PLEKHH1: variants seen among roughly 807,000 people sequenced by gnomAD.
PLEKHH1 encodes the protein pleckstrin homology, MyTH4 and FERM domain containing H1.
Under a neutral mutation model 160.0 loss-of-function variants are expected in PLEKHH1, and 104 were observed. The observed-to-expected ratio is 0.65, with a 90% CI of 0.55 to 0.76. PLEKHH1 has a LOEUF of 0.76. Among genes scored for constraint, PLEKHH1 ranks in the 30% least tolerant of loss-of-function variants. PLEKHH1 has a pLI of 0.00. For synonymous variants in PLEKHH1, 619 were observed against 678.4 expected (o/e 0.91, Z 1.36); for missense variants, 1,427 against 1,724.1 (o/e 0.83, Z 3.05).
At position 67,575,859 on chromosome 14, in the gene PLEKHH1, A is replaced by G; in HGVS notation, c.2206A>G (p.Ile736Val). The G allele has an allele frequency of 1.9e-6, 3 of 1,613,942 alleles. No homozygotes were observed. The highest frequency in any genetic ancestry group is 2.5e-6 in the Non-Finnish European group (3 of 1,179,848). The change falls in exon 16 of 29, where the codon ATA becomes GTA. Residue 736 changes from isoleucine to valine, a missense_variant. Around this residue, in one of 6 missense-constraint regions of PLEKHH1, gnomAD observed 831 missense variants for 929.2 expected, o/e 0.89. Coordinates refer to ENST00000329153, the MANE Select transcript of PLEKHH1 (RefSeq NM_020715.3). Reference sequence around the variant, plus strand: ...CTGCCTGCCTGTGCGGGATGCGCACATAGAGGAAGTAGATCGATCCTGTGA... The same window carrying G: ...CTGCCTGCCTGTGCGGGATGCGCACGTAGAGGAAGTAGATCGATCCTGTGA... ...LGCLPVRDAH[I>V]EEVDRSCDSD...
chr14:67,555,934 CGGCCCTTCCA>C (rs752415668), intron 3 of PLEKHH1, 47 bp downstream of exon 3: 2 of 1,600,324 alleles, frequency 1.2e-6, no homozygotes, highest in Non-Finnish European at 1.7e-6. Flanking sequence ...GAATGACCGT[CGGCCCTTCCA>C]GGCCCTTCCC....
chr14:67,546,873 T>A (rs988486343), intron 2 of PLEKHH1, among the ~76,000 whole-genome samples: 2 of 152,090 alleles, frequency 1.3e-5, no homozygotes, highest in Non-Finnish European at 2.9e-5. Context: ...AAAGGATATA[T>A]ATATATTTTT....
At chr14:67,548,638 G>A (rs555354408) in intron 2 of PLEKHH1, among the ~76,000 whole-genome samples, 4 of 152,250 alleles carry the variant, frequency 2.6e-5, no homozygotes, top group Non-Finnish European at 5.9e-5. Flanking sequence ...CAGAGGTTGC[G>A]GTGAGCCAAG....
intron 2 of PLEKHH1, among the ~76,000 whole-genome samples, chr14:67,545,272 G>C (rs995448441): frequency 6.6e-6 from 1 of 152,122 alleles, no homozygotes; most frequent in Non-Finnish European, 1.5e-5. Context: ...GTTATACCCA[G>C]CTACAAAGAA....
At chr14:67,538,256 T>C (rs374375029) in intron 1 of PLEKHH1, among the ~76,000 whole-genome samples, 1 of 152,196 alleles carries the variant, frequency 6.6e-6, no homozygotes, top group African/African-American at 2.4e-5. Flanking sequence ...AGCATCATCA[T>C]GGGAAGAGGA....
Position 67,576,962 on chromosome 14 carries a change from G to T in PLEKHH1, c.2462-340G>T, listed in dbSNP as rs575638271. ...ACACACCCCTTTACTACTGCTCTGA[G>T]GCTTGTTTGTTTCTGACCAATTCAT... On this transcript the variant is annotated intron_variant, in intron 17 of 28. Transcript: ENST00000329153. The surrounding 1 kb of genome is among the most constrained non-coding windows in gnomAD (Gnocchi z 4.0). Among the ~76,000 whole-genome samples the T allele has an allele frequency of 6.6e-6, 1 of 152,160 alleles. No homozygotes were observed. Among genetic ancestry groups the T allele is most frequent in the East Asian group, 1.9e-4 (1 of 5,178 alleles).
intron 7 of PLEKHH1, among the ~76,000 whole-genome samples, chr14:67,568,652 G>A (rs1024748594): frequency 6.6e-6 from 1 of 152,086 alleles, no homozygotes; most frequent in Non-Finnish European, 1.5e-5. Flanking sequence ...TTTTAAAAAT[G>A]TGCCCTAAGT....
intron 2 of PLEKHH1, among the ~76,000 whole-genome samples, chr14:67,548,892 T>C (rs1008343875): frequency 6.6e-6 from 1 of 152,136 alleles, no homozygotes; most frequent in Non-Finnish European, 1.5e-5. Flanking sequence ...TACCAAAAAT[T>C]TGTAGTTCAG....
intron 1 of PLEKHH1, among the ~76,000 whole-genome samples, chr14:67,536,294 T>C (rs2033714262): frequency 6.6e-6 from 1 of 151,782 alleles, no homozygotes; most frequent in Non-Finnish European, 1.5e-5. Flanking sequence ...CTGTGTACAC[T>C]CACACCCTTC....
In PLEKHH1 at chr14:67,546,637, G is replaced by A. The variant is rs556405971; in HGVS notation, c.126+4644G>A. ...ACTCCCAACCTTAGGTGATCCACCC[G>A]CCTCAGCCTCCCAAAGTGCTGGGAT... On this transcript the variant is annotated intron_variant, in intron 2 of 28. Transcript: ENST00000329153. 3.5e-4 allele frequency among the ~76,000 whole-genome samples: 54 copies of A among 152,296 alleles called. 1 individual carries two copies. In the South Asian group the frequency reaches 8.3e-3, roughly 23 times the overall value.
intron 2 of PLEKHH1, among the ~76,000 whole-genome samples, chr14:67,546,088 G>A (rs979892415): frequency 2.6e-5 from 4 of 152,224 alleles, no homozygotes; most frequent in African/African-American, 9.6e-5. Context: ...GAGAACATGA[G>A]GGGACATGTT....
rs1043734397 is a variant in PLEKHH1, at chr14:67,547,887, G to A, written c.126+5894G>A. Among the ~76,000 whole-genome samples, 3 of 152,168 alleles carry A rather than the reference G, an allele frequency of 2.0e-5. No homozygotes were observed. In the East Asian group the frequency reaches 5.8e-4, roughly 29 times the overall value. On this transcript the variant is annotated intron_variant, in intron 2 of 28. Coordinates refer to ENST00000329153, the MANE Select transcript of PLEKHH1 (RefSeq NM_020715.3). ...TCCCTCACCTAAGGGAGAGAGAGCC[G>A]GATGAAGGGAGAGGAGAGTTGAGAC...
chr14:67,561,383 T>G (rs1450835958), intron 5 of PLEKHH1, among the ~76,000 whole-genome samples: 5 of 152,120 alleles, frequency 3.3e-5, no homozygotes, highest in Non-Finnish European at 5.9e-5. Context: ...AATCTCTGTC[T>G]CTACAAAAAA....
At chr14:67,548,960 G>A (rs181771389) in intron 2 of PLEKHH1, among the ~76,000 whole-genome samples, 103 of 152,276 alleles carry the variant, frequency 6.8e-4, no homozygotes, top group Admixed American at 1.3e-3. Context: ...GAGAACAATG[G>A]ATGTTGCTCC....
intron 2 of PLEKHH1, among the ~76,000 whole-genome samples, chr14:67,550,086 C>G (rs570398860): frequency 1.4e-4 from 21 of 151,796 alleles, no homozygotes; most frequent in Admixed American, 2.0e-4. Context: ...TTTCTCTTCC[C>G]AGCTCCGTAT....
rs759316749 is a variant in PLEKHH1 at position 67,583,889 on chromosome 14, T to G, written c.3569+6T>G. ...GCCCCCGCTGAACAGCTGAGGTAGGTAGGCTACAAGGTCTTGCAGCAAGTC... is the reference window on the plus strand; with the variant it reads ...GCCCCCGCTGAACAGCTGAGGTAGGGAGGCTACAAGGTCTTGCAGCAAGTC... On this transcript the variant is annotated splice_donor_region_variant and intron_variant, in intron 25 of 28. Coordinates refer to ENST00000329153, the MANE Select transcript of PLEKHH1 (RefSeq NM_020715.3). 2 of 1,613,488 alleles carry G rather than the reference T, an allele frequency of 1.2e-6. No homozygotes were observed. Among genetic ancestry groups the G allele is most frequent in the Admixed American group, 3.3e-5 (2 of 59,998 alleles).
intron 3 of PLEKHH1, 132 bp downstream of exon 3, chr14:67,556,019 G>A (rs768077517): frequency 3.9e-5 from 47 of 1,211,914 alleles, no homozygotes; most frequent in Middle Eastern, 5.6e-4. Context: ...ATGAGTGTGC[G>A]TGGAGCTTTC....
At chr14:67,572,346 C>A in intron 11 of PLEKHH1, 69 bp downstream of exon 11, 1 of 1,303,234 alleles carries the variant, frequency 7.7e-7, no homozygotes, top group Non-Finnish European at 1.0e-6. Flanking sequence ...GCCCTCAGCA[C>A]AAGACATAGG....
chr14:67,564,162 A>G (rs2034975969), intron 7 of PLEKHH1, among the ~76,000 whole-genome samples: 1 of 151,580 alleles, frequency 6.6e-6, no homozygotes, highest in Non-Finnish European at 1.5e-5. Context: ...CAGCCTCCCA[A>G]AGTGTAATTT....
Sources: allele counts gnomAD v4.1 joint callset (sites outside exome capture counted in the v4.1 genomes callset), GRCh38; gene constraint gnomAD v4.1.1; regional missense constraint gnomAD v4.1.1; non-coding constraint Gnocchi (gnomAD v3.1); transcripts MANE v1.5; gene names NCBI Gene and HGNC (gene_info 2026-07-23, HGNC 2026-07-21).